DLC1: variants seen among roughly 807,000 people sequenced by gnomAD.
DLC1 encodes the protein DLC1 Rho GTPase activating protein.
DLC1 carries 54 observed loss-of-function variants against 140.3 expected under a neutral mutation model. The ratio of observed to expected loss-of-function variants is 0.38; its 90% CI spans 0.31 to 0.48. DLC1 has a LOEUF of 0.48. Ranked by LOEUF, DLC1 falls within the 20% of genes least tolerant of loss-of-function variation. The pLI, the probability that DLC1 is intolerant of heterozygous loss-of-function variation, is 0.96. For missense variants in DLC1, 2,536 were observed against 1,907.0 expected, an observed-to-expected ratio of 1.33 and a Z score of -6.14; for synonymous variants, 986 against 728.1, an observed-to-expected ratio of 1.35 and a Z score of -5.70.
At chr8:13,325,939 A>T (rs2410045) in intron 4 of DLC1, among the ~76,000 whole-genome samples, 43,919 of 152,150 alleles carry the variant, frequency 0.29, 7,172 homozygotes, top group East Asian at 0.43. Flanking sequence ...AATGGAGCAT[A>T]TATAGAAACC....
intron 2 of DLC1, among the ~76,000 whole-genome samples, chr8:13,420,498 G>A (rs1223324990): frequency 2.0e-5 from 3 of 151,982 alleles, no homozygotes; most frequent in South Asian, 4.2e-4. Context: ...CTATCAACCC[G>A]TCATTTAGAT....
chr8:13,122,125 C>T (rs946240522), intron 5 of DLC1, among the ~76,000 whole-genome samples: 4 of 152,180 alleles, frequency 2.6e-5, no homozygotes, highest in African/African-American at 9.6e-5. Flanking sequence ...ATCCCCGAGC[C>T]ACTGGGCTGG....
At chr8:13,461,530 T>C (rs1248961997) in intron 2 of DLC1, among the ~76,000 whole-genome samples, 1 of 152,364 alleles carries the variant, frequency 6.6e-6, no homozygotes, top group South Asian at 2.1e-4. Context: ...AAGATTTTTG[T>C]TGAGTTTATC....
At chr8:13,386,920 A>G (rs773163239) in intron 4 of DLC1, among the ~76,000 whole-genome samples, 1 of 152,104 alleles carries the variant, frequency 6.6e-6, no homozygotes. Flanking sequence ...TTAAAAATCC[A>G]CATACTTTAA....
intron 2 of DLC1, among the ~76,000 whole-genome samples, chr8:13,406,974 T>C (rs917241789): frequency 2.0e-5 from 3 of 152,218 alleles, no homozygotes; most frequent in Non-Finnish European, 4.4e-5. Context: ...AACAGAAACA[T>C]CCTGTTGCTT....
chr8:13,496,517 T>C (rs988830379), intron 2 of DLC1, among the ~76,000 whole-genome samples: 2 of 151,970 alleles, frequency 1.3e-5, no homozygotes, highest in African/African-American at 4.8e-5. Context: ...TTAGCCAGGA[T>C]TTCACATATT....
chr8:13,093,261 A>G (rs752413511), intron 12 of DLC1, among the ~76,000 whole-genome samples: 2 of 152,192 alleles, frequency 1.3e-5, no homozygotes, highest in Non-Finnish European at 2.9e-5. Flanking sequence ...AAGAACAGAG[A>G]TCTCTCAGCC....
intron 1 of DLC1, among the ~76,000 whole-genome samples, chr8:13,598,373 G>GAGTAGCCAAGGCTTTCTTAAGCA (rs1563466733): frequency 6.6e-6 from 1 of 151,448 alleles, no homozygotes; most frequent in South Asian, 2.1e-4. Context: ...TGTCTCTGTG[G>GAGTAGCCAAGGCTTTCTTAAGCA]GGACCACTTA....
At chr8:13,604,233 T>G (rs1450631140) in intron 1 of DLC1, among the ~76,000 whole-genome samples, 4 of 152,148 alleles carry the variant, frequency 2.6e-5, no homozygotes, top group Non-Finnish European at 5.9e-5. Context: ...TCCAAAAAAT[T>G]ATGTGACAGA....
chr8:13,238,201 G>A (rs985179034), intron 5 of DLC1, among the ~76,000 whole-genome samples: 7 of 152,020 alleles, frequency 4.6e-5, no homozygotes, highest in African/African-American at 1.7e-4. Flanking sequence ...TGATTTTAAG[G>A]GAAATTTAAA....
At chr8:13,276,629 G>C in intron 5 of DLC1, 1 of 1,209,802 alleles carries the variant, frequency 8.3e-7, no homozygotes, top group South Asian at 3.5e-5. Context: ...ACACCCTCGC[G>C]GGGCGCGCGA....
intron 1 of DLC1, among the ~76,000 whole-genome samples, chr8:13,571,241 C>G (rs1804643156): frequency 6.6e-6 from 1 of 152,074 alleles, no homozygotes; most frequent in Non-Finnish European, 1.5e-5. Context: ...AAATTTGCCA[C>G]TTGAACTGTT....
At chr8:13,126,104 C>G (rs1484813755) in intron 5 of DLC1, among the ~76,000 whole-genome samples, 2 of 152,164 alleles carry the variant, frequency 1.3e-5, no homozygotes, top group African/African-American at 4.8e-5. Context: ...AAGGCAACAG[C>G]TCTGGATGAA....
chr8:13,316,312 C>T (rs1832858616), intron 4 of DLC1, among the ~76,000 whole-genome samples: 1 of 152,084 alleles, frequency 6.6e-6, no homozygotes. Flanking sequence ...CAAACAGGTA[C>T]AGCAGTTTTG....
intron 4 of DLC1, among the ~76,000 whole-genome samples, chr8:13,354,595 C>A (rs1166697999): frequency 6.6e-6 from 1 of 152,046 alleles, no homozygotes; most frequent in Non-Finnish European, 1.5e-5. Flanking sequence ...TTTCACTTTT[C>A]GGAATGCCAC....
chr8:13,416,108 G>A (rs1030853915), intron 2 of DLC1, among the ~76,000 whole-genome samples: 4 of 152,182 alleles, frequency 2.6e-5, no homozygotes, highest in Non-Finnish European at 5.9e-5. Context: ...AGTGACAGGT[G>A]TACCCATGTA....
At chr8:13,580,991 T>G (rs957143996) in intron 1 of DLC1, among the ~76,000 whole-genome samples, 2 of 152,198 alleles carry the variant, frequency 1.3e-5, no homozygotes, top group East Asian at 3.9e-4. Flanking sequence ...CCCAGCTTTC[T>G]TATCAGCTTT....
At chr8:13,432,375 T>C (rs1352306604) in intron 2 of DLC1, among the ~76,000 whole-genome samples, 1 of 152,186 alleles carries the variant, frequency 6.6e-6, no homozygotes, top group Non-Finnish European at 1.5e-5. Context: ...TGAACAGTGA[T>C]AAAACAATAT....
intron 5 of DLC1, among the ~76,000 whole-genome samples, chr8:13,204,653 C>T (rs947135151): frequency 6.6e-6 from 1 of 151,976 alleles, no homozygotes; most frequent in African/African-American, 2.4e-5. Context: ...AGATACTTTA[C>T]AAATAAAATA....
Sources: allele counts gnomAD v4.1 joint callset (sites outside exome capture counted in the v4.1 genomes callset), GRCh38; gene constraint gnomAD v4.1.1; transcripts MANE v1.5; gene names NCBI Gene and HGNC (gene_info 2026-07-23, HGNC 2026-07-21).